DNAH9: variants seen among roughly 807,000 people sequenced by gnomAD.
DNAH9 encodes the protein dynein axonemal heavy chain 9.
Under a neutral mutation model 471.6 loss-of-function variants are expected in DNAH9, and 345 were observed. The ratio of observed to expected loss-of-function variants is 0.73; its 90% CI spans 0.67 to 0.80. The LOEUF (loss-of-function observed/expected upper bound fraction) is 0.80, where lower values mean the gene tolerates loss of function less well. DNAH9 is among the 30% of genes least tolerant of loss of function. The pLI, the probability that DNAH9 is intolerant of heterozygous loss-of-function variation, is 0.00. For missense variants in DNAH9, 5,407 were observed against 5,609.2 expected, an observed-to-expected ratio of 0.96 and a Z score of 1.15; for synonymous variants, 2,093 against 2,123.6, an observed-to-expected ratio of 0.99 and a Z score of 0.40.
chr17:11,764,127 C>T (rs1967833892), intron 36 of DNAH9, among the ~76,000 whole-genome samples: 1 of 152,152 alleles, frequency 6.6e-6, no homozygotes, highest in South Asian at 2.1e-4. Context: ...TAATTAGCAT[C>T]TAGGATTGGA....
In DNAH9 at chr17:11,854,665, G is replaced by T. The variant is rs114336717; in HGVS notation, c.9933+237G>T. Among the ~76,000 whole-genome samples the T allele has an allele frequency of 7.9e-3, 1,210 of 152,266 alleles. 17 individuals carry two copies. Among genetic ancestry groups the T allele is most frequent in the African/African-American group, 0.028 (1,158 of 41,548 alleles). On this transcript the variant is annotated intron_variant, in intron 50 of 68. Coordinates refer to ENST00000262442, the MANE Select transcript of DNAH9 (RefSeq NM_001372.4). ...GGTTTACAAGCTGTGGTGCGAAAAGGTTTTCTCCTTTTCTGAACAAAAGGT... is the reference window on the plus strand; with the variant it reads ...GGTTTACAAGCTGTGGTGCGAAAAGTTTTTCTCCTTTTCTGAACAAAAGGT...
At chr17:11,790,564 A>G in intron 41 of DNAH9, among the ~76,000 whole-genome samples, 1 of 151,990 alleles carries the variant, frequency 6.6e-6, no homozygotes, top group East Asian at 1.9e-4. Context: ...TCTTATATTT[A>G]AGGTATATCT....
Position 11,932,176 on chromosome 17 carries a change from C to G in DNAH9, c.12268C>G (p.Leu4090Val). 1 of 1,614,096 alleles carries G rather than the reference C, an allele frequency of 6.2e-7. No individual in the cohort carries two copies. The highest frequency in any genetic ancestry group is 1.1e-5 in the South Asian group (1 of 91,064). ...TGDLTISVNVLYNFLEANAKV... is the reference protein window; with the variant it reads ...TGDLTISVNVVYNFLEANAKV... ...AGACCTCACTATCTCTGTGAATGTC[C>G]TCTACAACTTCCTGGAGGCCAACGC... Residue 4090 changes from leucine to valine, a missense_variant, in exon 64 of 69, where the codon CTC becomes GTC. Around this residue, in one of 3 missense-constraint regions of DNAH9, gnomAD observed 4,636 missense variants for 4,900.3 expected, o/e 0.95. Coordinates refer to ENST00000262442, the MANE Select transcript of DNAH9 (RefSeq NM_001372.4). This position sits in a 1 kb window ranked among gnomAD's most constrained non-coding sequence, Gnocchi z 4.3.
intron 10 of DNAH9, among the ~76,000 whole-genome samples, chr17:11,643,593 A>C (rs2073320208): frequency 6.6e-6 from 1 of 152,218 alleles, no homozygotes; most frequent in Admixed American, 6.5e-5. Flanking sequence ...GTGTATTTAC[A>C]CAAACCTATG....
At chr17:11,741,700 G>A (rs118158323) in intron 29 of DNAH9, among the ~76,000 whole-genome samples, 1,903 of 152,288 alleles carry the variant, frequency 0.012, 17 homozygotes, top group Non-Finnish European at 0.02. Context: ...TAAGCCCTGG[G>A]TGTTTAGGAT....
chr17:11,689,022 GA>G (rs2074287577), intron 19 of DNAH9, among the ~76,000 whole-genome samples: 1 of 151,962 alleles, frequency 6.6e-6, no homozygotes, highest in African/African-American at 2.4e-5. Flanking sequence ...TTGAACCCGG[GA>G]GGCAGAGTTT....
At position 11,611,678 on chromosome 17, in the gene DNAH9, C is replaced by G. The variant is rs148200453; in HGVS notation, c.802C>G (p.Gln268Glu). The change falls in exon 4 of 69, where the codon CAA (glutamine) becomes GAA (glutamate). Residue 268 changes from glutamine to glutamate, a missense_variant. Physicochemically the swap from Gln to Glu is conservative, Grantham distance 29 (BLOSUM62 2). Transcript: ENST00000262442. ...TGAAGATCTGAAATACATCTATAATCAACTGAGAACAATAACGGTGAGGGG... is the reference window on the plus strand; with the variant it reads ...TGAAGATCTGAAATACATCTATAATGAACTGAGAACAATAACGGTGAGGGG... ...RYEDLKYIYN[Q>E]LRTITVRGMA... 9.9e-6 allele frequency: 16 copies of G among 1,613,806 alleles called. No individual in the cohort carries two copies. The African/African-American group carries it at 2.1e-4, about 22-fold the overall frequency.
chr17:11,719,725 A>G (rs553063647), intron 27 of DNAH9, among the ~76,000 whole-genome samples: 4 of 152,166 alleles, frequency 2.6e-5, no homozygotes, highest in Non-Finnish European at 5.9e-5. Flanking sequence ...TTGTATTCTC[A>G]TTCCACCAAT....
intron 14 of DNAH9, among the ~76,000 whole-genome samples, chr17:11,654,451 A>G (rs1466293775): frequency 2.0e-5 from 3 of 151,712 alleles, no homozygotes; most frequent in African/African-American, 7.3e-5. Flanking sequence ...CTATGTGATG[A>G]CAAATGCTCA....
At chr17:11,737,523 C>T (rs147422909) in intron 28 of DNAH9, among the ~76,000 whole-genome samples, 136 of 152,230 alleles carry the variant, frequency 8.9e-4, no homozygotes, top group Middle Eastern at 3.4e-3. Context: ...CTTCTGGGGC[C>T]GGGCTGGACA....
chr17:11,633,468 C>T (rs2073105162), intron 8 of DNAH9, among the ~76,000 whole-genome samples: 1 of 152,130 alleles, frequency 6.6e-6, no homozygotes, highest in Non-Finnish European at 1.5e-5. Flanking sequence ...ATGGGTGGGA[C>T]AATTGTAGAA....
chr17:11,714,804 C>T (rs192646331), intron 26 of DNAH9, among the ~76,000 whole-genome samples: 15 of 152,208 alleles, frequency 9.9e-5, no homozygotes, highest in African/African-American at 3.6e-4. Context: ...TACAAGGTGG[C>T]AGAACAGCCT....
intron 26 of DNAH9, among the ~76,000 whole-genome samples, chr17:11,712,508 A>C (rs1307798952): frequency 6.6e-6 from 1 of 152,080 alleles, no homozygotes; most frequent in African/African-American, 2.4e-5. Flanking sequence ...CTGTTTTCTA[A>C]AGTGGCTGCA....
intron 19 of DNAH9, among the ~76,000 whole-genome samples, chr17:11,688,292 AG>A: frequency 6.6e-6 from 1 of 152,278 alleles, no homozygotes; most frequent in East Asian, 1.9e-4. Context: ...TGAACTAAAA[AG>A]CTAGAAATGG....
At chr17:11,806,132 G>A (rs1039172011) in intron 43 of DNAH9, among the ~76,000 whole-genome samples, 4 of 152,126 alleles carry the variant, frequency 2.6e-5, no homozygotes, top group South Asian at 4.1e-4. Flanking sequence ...ACTGTGTTAC[G>A]TAGCCCTGAA....
chr17:11,910,997 A>C lies in DNAH9; in HGVS notation c.11749+5188A>C, dbSNP rs569565253. ...TTTTTTCTCATTCTTTGGGTTTTCT[A>C]GTTGCTTTTTTAATGGTATTCTTTG... On this transcript the variant is annotated intron_variant, in intron 61 of 68. Coordinates refer to ENST00000262442, the MANE Select transcript of DNAH9 (RefSeq NM_001372.4). Among the ~76,000 whole-genome samples, 4 of 152,038 alleles carry C rather than the reference A, an allele frequency of 2.6e-5. No homozygotes were observed. In the South Asian group the frequency reaches 8.3e-4, roughly 32 times the overall value.
intron 43 of DNAH9, among the ~76,000 whole-genome samples, chr17:11,798,246 C>T (rs1416227809): frequency 6.6e-6 from 1 of 151,792 alleles, no homozygotes; most frequent in Admixed American, 6.6e-5. Flanking sequence ...TCCTGGCTAA[C>T]ACGGTGAAAC....
intron 28 of DNAH9, among the ~76,000 whole-genome samples, chr17:11,731,143 GTGA>G (rs2075261948): frequency 6.6e-6 from 1 of 151,522 alleles, no homozygotes; most frequent in Non-Finnish European, 1.5e-5. Flanking sequence ...GATAATGACA[GTGA>G]TGATGATGGC....
Position 11,837,063 on chromosome 17 carries a change from A to G in DNAH9, c.9507+2165A>G, listed in dbSNP as rs570719112. Among the ~76,000 whole-genome samples the G allele has an allele frequency of 3.3e-5, 5 of 152,306 alleles. No individual in the cohort carries two copies. In the South Asian group the frequency reaches 8.3e-4, roughly 25 times the overall value. On this transcript the variant is annotated intron_variant, in intron 49 of 68. Coordinates refer to ENST00000262442, the MANE Select transcript of DNAH9 (RefSeq NM_001372.4). ...AACAGATGATAGCTACACAGTAAAT[A>G]TTTGTTGTTGTTGGTAGTGGTGGTG...
Sources: gnomAD v4.1 joint callset for allele counts (sites outside exome capture counted in the v4.1 genomes callset) on GRCh38, gnomAD v4.1.1 for gene constraint, gnomAD v4.1.1 regional missense constraint, Gnocchi (gnomAD v3.1) non-coding constraint, MANE v1.5 for transcripts, NCBI Gene and HGNC (gene_info 2026-07-23, HGNC 2026-07-21) for gene names.